The following TARBP1 variants were observed in gnomAD, a reference collection of about 807,000 sequenced individuals.
TARBP1 encodes tRNA guanosine 2 -O-methyltransferase TARBP1, also known as tRNA (guanosine(18)-2'-O)-methyltransferase TARBP1.
Under a neutral mutation model 178.6 loss-of-function variants are expected in TARBP1, and 144 were observed. That is an observed-to-expected ratio of 0.81 (90% CI 0.70 to 0.93). The LOEUF (loss-of-function observed/expected upper bound fraction) is 0.93. Ranked by LOEUF, TARBP1 falls within the 40% of genes least tolerant of loss-of-function variation. TARBP1 has a pLI of 0.00. For synonymous variants in TARBP1, 787 were observed against 781.0 expected (o/e 1.01, Z -0.13); for missense variants, 2,067 against 2,011.7 (o/e 1.03, Z -0.53).
At chr1:234,398,716 A>C (rs1660391005) in intron 25 of TARBP1, among the ~76,000 whole-genome samples, 163 bp from the exon 26 acceptor site, 1 of 152,236 alleles carries the variant, frequency 6.6e-6, no homozygotes, top group African/African-American at 2.4e-5. Context: ...GTCTATATAT[A>C]TTTCTCATCT....
chr1:234,413,399 G>A (rs1453593297), intron 22 of TARBP1, among the ~76,000 whole-genome samples: 3 of 152,182 alleles, frequency 2.0e-5, no homozygotes, highest in Admixed American at 6.5e-5. Context: ...GCTTGAACCC[G>A]GGAGGCAGAG....
intron 21 of TARBP1, among the ~76,000 whole-genome samples, chr1:234,419,665 C>G (rs918537172): frequency 2.6e-5 from 4 of 152,064 alleles, no homozygotes; most frequent in Admixed American, 2.6e-4. Context: ...TCTCGGTAAT[C>G]TAGTTGAGCA....
At chr1:234,398,288 ATATTAT>A (rs1660341691) in intron 26 of TARBP1, 88 bp downstream of exon 26, 10 of 1,053,040 alleles carry the variant, frequency 9.5e-6, no homozygotes, top group Admixed American at 2.9e-5. Flanking sequence ...AATGAAAGTG[ATATTAT>A]TATTAACTAC....
At chr1:234,438,412 G>A (rs1214640312) in intron 12 of TARBP1, among the ~76,000 whole-genome samples, 2 of 152,144 alleles carry the variant, frequency 1.3e-5, no homozygotes, top group Non-Finnish European at 2.9e-5. Flanking sequence ...AATCTTGAAG[G>A]AAATGGAAAC....
intron 26 of TARBP1, among the ~76,000 whole-genome samples, chr1:234,397,870 T>G (rs2103037621): frequency 3.1e-5 from 2 of 64,904 alleles, no homozygotes; most frequent in African/African-American, 1.2e-4. Context: ...GAGAGGAATG[T>G]GGGTCCCAGA....
Position 234,410,542 on chromosome 1 carries a change from A to T in TARBP1, c.3706-11T>A. ...AAGATTTTCTTCACCCTGAAAAAAT[A>T]ATCAGATAAACAAATATTGATTCAA... On this transcript the variant is annotated splice_polypyrimidine_tract_variant and intron_variant, in intron 22 of 29. Transcript: ENST00000040877. 1 of 1,452,420 alleles carries T rather than the reference A, an allele frequency of 6.9e-7. No homozygotes were observed. Among genetic ancestry groups the T allele is most frequent in the African/African-American group, 1.4e-5 (1 of 71,922 alleles). 90.0% of individuals were successfully genotyped at this position (1,452,420 alleles called of 1,614,324 possible). A position where few individuals can be genotyped will look rare whatever the true frequency, so the allele number is the denominator to read the frequency against.
intron 6 of TARBP1, 24 bp downstream of exon 6, chr1:234,463,813 A>T: frequency 7.1e-7 from 1 of 1,413,288 alleles, no homozygotes; most frequent in Non-Finnish European, 9.4e-7. Flanking sequence ...AGCATTTTTA[A>T]AAAAACCCTT....
Position 234,412,220 on chromosome 1 carries a change from G to A in TARBP1, c.3706-1689C>T, listed in dbSNP as rs1033118866. Among the ~76,000 whole-genome samples, 16 of 152,186 alleles carry A rather than the reference G, an allele frequency of 1.1e-4. No individual in the cohort carries two copies. In the South Asian group the frequency reaches 1.5e-3, roughly 14 times the overall value. On this transcript the variant is annotated intron_variant, in intron 22 of 29. Coordinates refer to ENST00000040877, the MANE Select transcript of TARBP1 (RefSeq NM_005646.4). ...AGGTGGATCACAATGTCAGGAGTTC[G>A]ATATCAGCCTGGCCAATATGGTAAA...
At position 234,441,863 on chromosome 1, in the gene TARBP1, G is replaced by A. The variant is rs1321818977; in HGVS notation, c.2135-4491C>T. ...GATAATGTTTTCAAGGTTTATCCAC[G>A]TTGTAACATGTATTACTACTTCATT... On this transcript the variant is annotated intron_variant, in intron 12 of 29. Coordinates refer to ENST00000040877, the MANE Select transcript of TARBP1 (RefSeq NM_005646.4). Among the ~76,000 whole-genome samples the A allele has an allele frequency of 4.6e-5, 7 of 152,210 alleles. No individual in the cohort carries two copies. The South Asian group carries it at 1.2e-3, about 27-fold the overall frequency.
intron 24 of TARBP1, 26 bp downstream of exon 24, chr1:234,405,877 C>A: frequency 1.2e-6 from 2 of 1,602,572 alleles, no homozygotes; most frequent in South Asian, 1.1e-5. Flanking sequence ...AGAGTGAGGG[C>A]GATGAGGTTG....
At position 234,429,510 on chromosome 1, in the gene TARBP1, A is replaced by C; in HGVS notation, c.2777T>G (p.Ile926Arg). The stretch of plus-strand genomic sequence containing the variant: ...TTCTAGTGCAGACTGCAAAGTCCTT[A>C]TTGGCATCTGAACGGCAGGTAGAAA... ...EPFLPAVQMP[I>R]RTLQSALEAL... The change falls in exon 16 of 30, where the codon ATA (isoleucine) becomes AGA (arginine). Residue 926 changes from isoleucine to arginine, a missense_variant. Ile to Arg is a moderately conservative substitution (Grantham distance 97). Coordinates refer to ENST00000040877, the MANE Select transcript of TARBP1 (RefSeq NM_005646.4). 1 of 1,614,184 alleles carries C rather than the reference A, an allele frequency of 6.2e-7. No homozygotes were observed. The highest frequency in any genetic ancestry group is 8.5e-7 in the Non-Finnish European group (1 of 1,180,028).
intron 26 of TARBP1, 157 bp downstream of exon 26, chr1:234,398,225 C>T (rs970397787): frequency 3.0e-5 from 14 of 466,428 alleles, no homozygotes; most frequent in Non-Finnish European, 4.1e-5. Flanking sequence ...CAAAGTTATA[C>T]CACACTTTTT....
At chr1:234,406,724 C>G (rs1661285302) in intron 23 of TARBP1, 1 of 152,298 alleles carries the variant, frequency 6.6e-6, no homozygotes, top group Non-Finnish European at 1.5e-5. Context: ...CTGGAGATGT[C>G]AAGCAATCCC....
chr1:234,456,915 C>T (rs1444759787), intron 9 of TARBP1, among the ~76,000 whole-genome samples: 1 of 152,136 alleles, frequency 6.6e-6, no homozygotes, highest in Non-Finnish European at 1.5e-5. Context: ...TTAAAGGCCA[C>T]AATTTGCCCC....
chr1:234,401,118 C>T (rs1660630689), intron 25 of TARBP1, 63 bp downstream of exon 25: 1 of 1,363,032 alleles, frequency 7.3e-7, no homozygotes, highest in Admixed American at 1.9e-5. Flanking sequence ...TCAACAAAAG[C>T]AGAAAGGAAG....
chr1:234,438,254 T>C (rs1665236544), intron 12 of TARBP1, among the ~76,000 whole-genome samples: 1 of 151,794 alleles, frequency 6.6e-6, no homozygotes, highest in Non-Finnish European at 1.5e-5. Context: ...CCAAAATTAC[T>C]AAACATATGA....
In TARBP1 at chr1:234,418,901, A is replaced by G. The variant is rs186324051; in HGVS notation, c.3556-668T>C. ...AAAGTAATATGTATTGGCCGGGCACAGTGGCTCATGCCTGTAATCCCAGCA... is the reference window on the plus strand; with the variant it reads ...AAAGTAATATGTATTGGCCGGGCACGGTGGCTCATGCCTGTAATCCCAGCA... On this transcript the variant is annotated intron_variant, in intron 21 of 29. Transcript: ENST00000040877. Among the ~76,000 whole-genome samples the G allele has an allele frequency of 2.2e-4, 33 of 152,308 alleles. No individual in the cohort carries two copies. In the East Asian group the frequency reaches 5.6e-3, roughly 26 times the overall value.
intron 3 of TARBP1, among the ~76,000 whole-genome samples, chr1:234,469,086 A>T (rs1480827651): frequency 1.2e-4 from 16 of 128,734 alleles, no homozygotes; most frequent in African/African-American, 3.3e-4. Context: ...TTAAAAAAAA[A>T]AAAAAGGCAA....
intron 22 of TARBP1, among the ~76,000 whole-genome samples, chr1:234,417,001 G>A (rs1662504380): frequency 6.6e-6 from 1 of 152,184 alleles, no homozygotes; most frequent in Admixed American, 6.5e-5. Flanking sequence ...AGGAAATAGA[G>A]AAGTTATCAG....
Sources: gnomAD v4.1 joint callset for allele counts (sites outside exome capture counted in the v4.1 genomes callset) on GRCh38, gnomAD v4.1.1 for gene constraint, MANE v1.5 for transcripts, NCBI Gene and HGNC (gene_info 2026-07-23, HGNC 2026-07-21) for gene names.